The following R3HDM2 variants were observed in gnomAD, a reference collection of about 807,000 sequenced individuals.
R3HDM2 encodes the protein R3H domain containing 2.
In R3HDM2, 38 loss-of-function variants were observed where a neutral mutation model predicts 124.5. That is an observed-to-expected ratio of 0.31 (90% CI 0.24 to 0.40). R3HDM2 has a LOEUF of 0.40. Ranked by LOEUF, R3HDM2 falls within the 10% of genes least tolerant of loss-of-function variation. The probability of loss-of-function intolerance (pLI) is 1.00; values close to 1 mark genes in which losing one functional copy is unlikely to be tolerated. For missense variants in R3HDM2, 869 were observed against 1,236.9 expected (o/e 0.70, Z 4.46); for synonymous variants, 391 against 448.0 (o/e 0.87, Z 1.61).
chr12:57,416,431 G>A (rs982856622), intron 1 of R3HDM2, among the ~76,000 whole-genome samples: 5 of 152,172 alleles, frequency 3.3e-5, no homozygotes, highest in African/African-American at 1.2e-4. Context: ...GAGCCAAAAA[G>A]AACAAGAAGC....
At chr12:57,256,887 C>T (rs572680219) in intron 21 of R3HDM2, among the ~76,000 whole-genome samples, 4 of 151,346 alleles carry the variant, frequency 2.6e-5, no homozygotes, top group East Asian at 3.9e-4. Context: ...GGCATGATCT[C>T]GGCTCACTGC....
intron 2 of R3HDM2, among the ~76,000 whole-genome samples, chr12:57,390,979 T>C (rs1272147338): frequency 6.8e-6 from 1 of 147,014 alleles, no homozygotes; most frequent in Non-Finnish European, 1.5e-5. Flanking sequence ...GCCACTGCAC[T>C]CCAGCCTGGG....
At chr12:57,297,276 T>C in intron 8 of R3HDM2, 52 bp downstream of exon 8, 1 of 989,560 alleles carries the variant, frequency 1.0e-6, no homozygotes, top group Non-Finnish European at 1.5e-6. Context: ...CCTAAATTTA[T>C]TTCCAGTGCC....
At chr12:57,417,116 T>TCAA (rs1234717360) in intron 1 of R3HDM2, among the ~76,000 whole-genome samples, 1 of 149,158 alleles carries the variant, frequency 6.7e-6, no homozygotes, top group Non-Finnish European at 1.5e-5. Context: ...AGACTCTGTC[T>TCAA]CAACAACAAC....
intron 1 of R3HDM2, among the ~76,000 whole-genome samples, chr12:57,419,166 CG>C (rs1287060968): frequency 2.2e-5 from 3 of 137,306 alleles, no homozygotes; most frequent in Non-Finnish European, 4.6e-5. Flanking sequence ...TTTTTTGATA[CG>C]GATTCTTGCT....
chr12:57,305,053 T>C (rs897293493), intron 3 of R3HDM2, among the ~76,000 whole-genome samples: 4 of 152,004 alleles, frequency 2.6e-5, no homozygotes, highest in African/African-American at 9.7e-5. Context: ...GGCGTGGTGG[T>C]GGGCACCTGT....
chr12:57,279,063 C>T (rs1185343994), intron 14 of R3HDM2, among the ~76,000 whole-genome samples: 1 of 151,976 alleles, frequency 6.6e-6, no homozygotes, highest in African/African-American at 2.4e-5. Flanking sequence ...GGCTTTCCAG[C>T]TACCAGAGAA....
At chr12:57,261,902 A>G (rs140990689) in intron 19 of R3HDM2, among the ~76,000 whole-genome samples, 151 of 152,274 alleles carry the variant, frequency 9.9e-4, no homozygotes, top group African/African-American at 2.4e-3. Flanking sequence ...AAGCTCTGAA[A>G]GGAGAGGGGA....
chr12:57,404,581 T>C (rs2068354454), intron 1 of R3HDM2, among the ~76,000 whole-genome samples: 1 of 152,140 alleles, frequency 6.6e-6, no homozygotes, highest in Non-Finnish European at 1.5e-5. Flanking sequence ...CGTGCGCCTG[T>C]AGTCCCAGCT....
intron 11 of R3HDM2, among the ~76,000 whole-genome samples, chr12:57,290,116 T>C (rs566769364): frequency 6.6e-6 from 1 of 152,330 alleles, no homozygotes; most frequent in Admixed American, 6.5e-5. Context: ...AGAGCTAACT[T>C]TGCCTTTGTT....
chr12:57,277,768 G>A (rs1232168698), intron 14 of R3HDM2, among the ~76,000 whole-genome samples: 1 of 152,116 alleles, frequency 6.6e-6, no homozygotes, highest in Non-Finnish European at 1.5e-5. Context: ...TCTTCTACAG[G>A]AAAAGCTTTA....
intron 2 of R3HDM2, among the ~76,000 whole-genome samples, chr12:57,314,621 C>T (rs1295844961): frequency 6.6e-6 from 1 of 152,208 alleles, no homozygotes; most frequent in African/African-American, 2.4e-5. Flanking sequence ...TCTGGGAAAA[C>T]TGGAACAGGA....
At chr12:57,274,802 T>G (rs762270414) in intron 14 of R3HDM2, among the ~76,000 whole-genome samples, 22 of 152,166 alleles carry the variant, frequency 1.4e-4, no homozygotes, top group Non-Finnish European at 2.6e-4. Context: ...AAAACACTGC[T>G]GAAAGAAATC....
intron 2 of R3HDM2, among the ~76,000 whole-genome samples, chr12:57,335,178 A>C (rs1289190575): frequency 6.6e-6 from 1 of 151,434 alleles, no homozygotes; most frequent in Non-Finnish European, 1.5e-5. Flanking sequence ...CATATATATA[A>C]TTTAGTACTG....
At chr12:57,383,902 CT>C (rs2065282910) in intron 2 of R3HDM2, among the ~76,000 whole-genome samples, 1 of 151,928 alleles carries the variant, frequency 6.6e-6, no homozygotes, top group Admixed American at 6.6e-5. Flanking sequence ...ATAAAATTCC[CT>C]GACAAACAAG....
chr12:57,339,468 G>A (rs1237045890), intron 2 of R3HDM2, among the ~76,000 whole-genome samples: 2 of 152,044 alleles, frequency 1.3e-5, no homozygotes, highest in Admixed American at 6.6e-5. Flanking sequence ...TTGGGAGGCC[G>A]GTGGGTGGAT....
intron 1 of R3HDM2, among the ~76,000 whole-genome samples, chr12:57,413,732 T>C (rs190555928): frequency 1.1e-3 from 162 of 151,586 alleles, no homozygotes; most frequent in African/African-American, 3.8e-3. Context: ...CAAGACTCCA[T>C]TCTCAAGGAA....
chr12:57,352,923 G>A (rs2060836954), intron 2 of R3HDM2, among the ~76,000 whole-genome samples: 1 of 151,930 alleles, frequency 6.6e-6, no homozygotes, highest in Non-Finnish European at 1.5e-5. Flanking sequence ...CAGATGTGTT[G>A]GGGCAATTAG....
chr12:57,413,782 T>C (rs2069243737), intron 1 of R3HDM2, among the ~76,000 whole-genome samples: 2 of 150,982 alleles, frequency 1.3e-5, no homozygotes, highest in Admixed American at 1.3e-4. Context: ...AAACTCAGGT[T>C]AGACACTTTA....
Sources: allele counts gnomAD v4.1 joint callset (sites outside exome capture counted in the v4.1 genomes callset), GRCh38; gene constraint gnomAD v4.1.1; transcripts MANE v1.5; gene names NCBI Gene and HGNC (gene_info 2026-07-23, HGNC 2026-07-21).